ROCK1: variants seen among roughly 807,000 people sequenced by gnomAD.
The protein encoded by ROCK1 is Rho associated coiled-coil containing protein kinase 1.
ROCK1 carries 36 observed loss-of-function variants against 196.8 expected under a neutral mutation model. The ratio of observed to expected loss-of-function variants is 0.18; its 90% confidence interval spans 0.14 to 0.24. The LOEUF is 0.24. Among genes scored for constraint, ROCK1 ranks in the 10% least tolerant of loss-of-function variants. The probability of loss-of-function intolerance (pLI) is 1.00; values close to 1 mark genes in which losing one functional copy is unlikely to be tolerated. For synonymous variants in ROCK1, 443 were observed against 515.9 expected, an observed-to-expected ratio of 0.86 and a Z score of 1.91; for missense variants, 920 against 1,562.0, an observed-to-expected ratio of 0.59 and a Z score of 6.93.
chr18:20,947,623 C>T lies in ROCK1; in HGVS notation c.*3761G>A, dbSNP rs1462394105. ...GCTTGAGGCTAGGAGTTAGAGACCA[C>T]CCTGGGCAACATAATCTCATCGGAT... On this transcript the variant is annotated 3_prime_UTR_variant, in exon 33 of 33. Coordinates refer to ENST00000399799, the MANE Select transcript of ROCK1 (RefSeq NM_005406.3). The T allele has an allele frequency of 4.6e-5, 7 of 152,178 alleles. No homozygotes were observed. The highest frequency in any genetic ancestry group is 1.7e-4 in the African/African-American group (7 of 41,446). 9.4% of individuals were successfully genotyped at this position (152,178 alleles called of 1,614,324 possible).
At chr18:20,975,802 G>A (rs369892069) in intron 22 of ROCK1, among the ~76,000 whole-genome samples, 2 of 152,040 alleles carry the variant, frequency 1.3e-5, no homozygotes, top group African/African-American at 2.4e-5. Context: ...CAGTAGAGAC[G>A]GGGTTTCACC....
Position 21,111,468 on chromosome 18 carries a change from G to C in ROCK1, c.-558C>G, listed in dbSNP as rs1238889839. On this transcript the variant is annotated 5_prime_UTR_variant, in exon 1 of 33. Coordinates refer to ENST00000399799, the MANE Select transcript of ROCK1 (RefSeq NM_005406.3). This position sits in a 1 kb window ranked among gnomAD's most constrained non-coding sequence, Gnocchi z 4.2. ...TCCCCGGCTCTACTCGGCCCGGCCC[G>C]ACGCACCGATCAGTCTCGGCCACGA... 4.0e-6 allele frequency: 1 copy of C among 252,960 alleles called. No individual in the cohort carries two copies. Among genetic ancestry groups the C allele is most frequent in the African/African-American group, 2.2e-5 (1 of 44,852 alleles). 15.7% of individuals were successfully genotyped at this position (252,960 alleles called of 1,614,324 possible).
chr18:21,108,910 T>A (rs2036725804), intron 1 of ROCK1, among the ~76,000 whole-genome samples: 1 of 152,142 alleles, frequency 6.6e-6, no homozygotes, highest in Non-Finnish European at 1.5e-5. Flanking sequence ...AGCCTACCAA[T>A]CAAATCCTCC....
intron 2 of ROCK1, among the ~76,000 whole-genome samples, chr18:21,063,762 T>G (rs926008489): frequency 2.5e-4 from 38 of 152,166 alleles, no homozygotes; most frequent in African/African-American, 8.7e-4. Flanking sequence ...TAAATGAAAA[T>G]GAAGAAGCTT....
chr18:21,042,141 T>C lies in ROCK1; in HGVS notation c.915A>G (p.Ile305Met). 2 of 1,605,206 alleles carry C rather than the reference T, an allele frequency of 1.2e-6. No homozygotes were observed. Among genetic ancestry groups the C allele is most frequent in the Non-Finnish European group, 1.7e-6 (2 of 1,177,380 alleles). ...AAATAAGGTTTTTTGCTTCTTTTGATATGTCATTATCATCAGGAAAGGTAA... is the reference window on the plus strand; with the variant it reads ...AAATAAGGTTTTTTGCTTCTTTTGACATGTCATTATCATCAGGAAAGGTAA... ...NSLTFPDDND[I>M]SKEAKNLICA... Residue 305 changes from isoleucine (I) to methionine (M), a missense_variant, in exon 8 of 33, where the codon ATA becomes ATG. Ile to Met is a conservative substitution (Grantham distance 10). Transcript: ENST00000399799.
At chr18:21,044,454 T>A (rs2036137685) in intron 5 of ROCK1, among the ~76,000 whole-genome samples, 1 of 152,098 alleles carries the variant, frequency 6.6e-6, no homozygotes, top group South Asian at 2.1e-4. Context: ...AGACAGACCA[T>A]CAAAAATACA....
chr18:20,979,537 G>A (rs1444767169), intron 22 of ROCK1, among the ~76,000 whole-genome samples: 4 of 151,844 alleles, frequency 2.6e-5, no homozygotes, highest in Non-Finnish European at 4.4e-5. Context: ...CAGGAGAATC[G>A]CTTGAACCCG....
chr18:21,022,945 G>C (rs2035926594), intron 11 of ROCK1, among the ~76,000 whole-genome samples: 1 of 152,030 alleles, frequency 6.6e-6, no homozygotes, highest in Non-Finnish European at 1.5e-5. Flanking sequence ...CTACAACATG[G>C]ATGAACCTTG....
In ROCK1 at chr18:20,959,146, A is replaced by T. The variant is rs1441413805; in HGVS notation, c.3512+694T>A. Among the ~76,000 whole-genome samples the T allele has an allele frequency of 2.7e-3, 159 of 59,036 alleles. 3 individuals are homozygous for T. Among genetic ancestry groups the T allele is most frequent in the African/African-American group, 0.016 (154 of 9,708 alleles). 38.7% of individuals were successfully genotyped at this position (59,036 alleles called of 152,430 possible). The stretch of plus-strand genomic sequence containing the variant: ...ATATATATATTATATATATTATATA[A>T]AATATATATATTATATATTATATAA... On this transcript the variant is annotated intron_variant, in intron 29 of 32. Coordinates refer to ENST00000399799, the MANE Select transcript of ROCK1 (RefSeq NM_005406.3).
At chr18:21,004,043 C>T (rs1268715077) in intron 16 of ROCK1, among the ~76,000 whole-genome samples, 1 of 152,118 alleles carries the variant, frequency 6.6e-6, no homozygotes, top group African/African-American at 2.4e-5. Flanking sequence ...TCCTCCATAA[C>T]ATTTTGATCA....
intron 4 of ROCK1, 123 bp from the exon 5 acceptor site, chr18:21,045,590 A>G (rs1450213295): frequency 1.2e-5 from 9 of 770,670 alleles, no homozygotes; most frequent in Non-Finnish European, 1.8e-5. Context: ...CAGAAGTTGC[A>G]AGTCTAGTTT....
intron 13 of ROCK1, among the ~76,000 whole-genome samples, chr18:21,012,507 G>A (rs531558123): frequency 1.3e-5 from 2 of 152,114 alleles, no homozygotes; most frequent in Admixed American, 6.5e-5. Flanking sequence ...GAAATCAGCT[G>A]TCACTTACAC....
Position 21,025,571 on chromosome 18 carries a change from T to C in ROCK1, c.1212-1891A>G, listed in dbSNP as rs1323395176. 1.1e-3 allele frequency among the ~76,000 whole-genome samples: 167 copies of C among 152,086 alleles called. 3 individuals are homozygous for C. Among genetic ancestry groups the C allele is most frequent in the Non-Finnish European group, 1.5e-5 (1 of 67,980 alleles). On this transcript the variant is annotated intron_variant, in intron 10 of 32. Transcript: ENST00000399799. ...GGCCAACATGGCAAAACCCCATCTCTAATAAAAATACAAAGATTAGCCAGG... is the reference window on the plus strand; with the variant it reads ...GGCCAACATGGCAAAACCCCATCTCCAATAAAAATACAAAGATTAGCCAGG...
At chr18:21,010,998 G>A (rs2143445224) in intron 13 of ROCK1, among the ~76,000 whole-genome samples, 1 of 152,134 alleles carries the variant, frequency 6.6e-6, no homozygotes, top group South Asian at 2.1e-4. Context: ...CCAATATGCT[G>A]CTTTCTTTTT....
chr18:20,959,132 A>T (rs1196996094), intron 29 of ROCK1, among the ~76,000 whole-genome samples: 13 of 52,130 alleles, frequency 2.5e-4, no homozygotes, highest in African/African-American at 1.2e-3. Context: ...TATATATATT[A>T]TATATATTAT....
In ROCK1 at chr18:21,111,606, G is replaced by C. The variant is rs1051618834; in HGVS notation, c.-696C>G. ...GTCGATGCCCGATGGAGACTTAGCA[G>C]AGGAAAGGCTGGAGAGCGGGCGAAG... On this transcript the variant is annotated 5_prime_UTR_variant, in exon 1 of 33. Transcript: ENST00000399799. This position sits in a 1 kb window ranked among gnomAD's most constrained non-coding sequence, Gnocchi z 4.2. 1.3e-5 allele frequency: 2 copies of C among 156,270 alleles called. No individual in the cohort carries two copies. The highest frequency in any genetic ancestry group is 4.8e-5 in the African/African-American group (2 of 41,608). 9.7% of individuals were successfully genotyped at this position (156,270 alleles called of 1,614,324 possible). A position where few individuals can be genotyped will look rare whatever the true frequency, so the allele number is the denominator to read the frequency against.
At chr18:21,064,423 T>C (rs1380676725) in intron 2 of ROCK1, among the ~76,000 whole-genome samples, 2 of 152,218 alleles carry the variant, frequency 1.3e-5, no homozygotes, top group East Asian at 1.9e-4. Context: ...TCTACTATTA[T>C]AAGGTATATC....
chr18:21,083,194 T>C (rs2036496709), intron 1 of ROCK1, among the ~76,000 whole-genome samples: 2 of 152,072 alleles, frequency 1.3e-5, no homozygotes, highest in South Asian at 4.1e-4. Context: ...AAGACATAAA[T>C]GAAAAGACAT....
At chr18:20,962,978 C>T (rs2035341185) in intron 27 of ROCK1, among the ~76,000 whole-genome samples, 1 of 152,104 alleles carries the variant, frequency 6.6e-6, no homozygotes, top group East Asian at 1.9e-4. Context: ...CCTCTAAAAT[C>T]GGGACCACCT....
Sources: allele counts gnomAD v4.1 joint callset (sites outside exome capture counted in the v4.1 genomes callset), GRCh38; gene constraint gnomAD v4.1.1; non-coding constraint Gnocchi (gnomAD v3.1); transcripts MANE v1.5; gene names NCBI Gene and HGNC (gene_info 2026-07-23, HGNC 2026-07-21).